The following ZC3H6 variants were observed in gnomAD, a reference collection of about 807,000 sequenced individuals.
The protein encoded by ZC3H6 is zinc finger CCCH-type containing 6, also known as zinc finger CCCH domain-containing protein 6.
In ZC3H6, 40 loss-of-function variants were observed where a neutral mutation model predicts 107.7. The observed-to-expected ratio is 0.37, with a 90% CI of 0.29 to 0.48. The LOEUF is 0.48. ZC3H6 is among the 20% of genes least tolerant of loss of function. ZC3H6 has a pLI of 0.98. For missense variants in ZC3H6, 1,267 were observed against 1,410.4 expected (o/e 0.90, Z 1.63); for synonymous variants, 493 against 487.9 (o/e 1.01, Z -0.14).
Position 112,303,291 on chromosome 2 carries a change from A to G in ZC3H6, c.276A>G (p.Thr92=), listed in dbSNP as rs1676419731. The G allele has an allele frequency of 6.2e-7, 1 of 1,613,452 alleles. No homozygotes were observed. The highest frequency in any genetic ancestry group is 8.5e-7 in the Non-Finnish European group (1 of 1,179,492). The stretch of plus-strand genomic sequence containing the variant: ...GCCTTGATTCAGATGTTGAACATAC[A>G]GAAAGTTCCCATAAAAAAAGAACTG... ...DYSLDSDVEH[T]ESSHKKRTGF... The change falls in exon 3 of 12, where the codon ACA becomes ACG. Residue 92 remains threonine, a synonymous_variant. Coordinates refer to ENST00000409871, the MANE Select transcript of ZC3H6 (RefSeq NM_198581.3).
At chr2:112,277,375 A>G (rs1686446005) in intron 1 of ZC3H6, among the ~76,000 whole-genome samples, 1 of 152,068 alleles carries the variant, frequency 6.6e-6, no homozygotes, top group South Asian at 2.1e-4. Flanking sequence ...GGGTTTTGCT[A>G]ATGGAGCCTA....
intron 1 of ZC3H6, among the ~76,000 whole-genome samples, chr2:112,289,442 A>G (rs1272553037): frequency 2.7e-5 from 4 of 148,974 alleles, no homozygotes; most frequent in Non-Finnish European, 5.9e-5. Context: ...CTCCTGCCTC[A>G]GCTTCCCAAG....
Position 112,337,584 on chromosome 2 carries a change from A to C in ZC3H6, c.*5096A>C, listed in dbSNP as rs943576583. On this transcript the variant is annotated 3_prime_UTR_variant, in exon 12 of 12. Coordinates refer to ENST00000409871, the MANE Select transcript of ZC3H6 (RefSeq NM_198581.3). The stretch of plus-strand genomic sequence containing the variant: ...TGATCCACCCGCCTCAACCTCCAAA[A>C]GTGTTGGGGTTACAGGCGTGAGCCA... The C allele has an allele frequency of 2.0e-5, 3 of 151,878 alleles. No homozygotes were observed. Among genetic ancestry groups the C allele is most frequent in the African/African-American group, 2.4e-5 (1 of 41,300 alleles). The allele number at this position is 151,878 out of a possible 1,614,324, so 9.4% of individuals were successfully genotyped here.
chr2:112,293,367 T>C (rs1257698403), intron 1 of ZC3H6, among the ~76,000 whole-genome samples: 1 of 152,170 alleles, frequency 6.6e-6, no homozygotes, highest in African/African-American at 2.4e-5. Context: ...GTAAGCTAAG[T>C]TTCTGCAAAC....
intron 2 of ZC3H6, among the ~76,000 whole-genome samples, chr2:112,302,671 C>T (rs1676402510): frequency 6.6e-6 from 1 of 152,076 alleles, no homozygotes; most frequent in Non-Finnish European, 1.5e-5. Context: ...CTCTTGATAT[C>T]AATTATCATT....
intron 4 of ZC3H6, among the ~76,000 whole-genome samples, chr2:112,310,901 G>A (rs937441380): frequency 3.3e-5 from 5 of 151,986 alleles, no homozygotes; most frequent in African/African-American, 4.8e-5. Flanking sequence ...ATTTTTTCTC[G>A]ATTTCCTAGC....
chr2:112,290,118 A>G (rs1676079087), intron 1 of ZC3H6, among the ~76,000 whole-genome samples: 1 of 152,212 alleles, frequency 6.6e-6, no homozygotes, highest in Admixed American at 6.6e-5. Flanking sequence ...ATTAAAAAAA[A>G]AACAAACCTA....
At chr2:112,298,160 A>T (rs934283567) in intron 1 of ZC3H6, among the ~76,000 whole-genome samples, 21 of 151,684 alleles carry the variant, frequency 1.4e-4, no homozygotes, top group African/African-American at 2.7e-4. Context: ...TTTTTAAAAA[A>T]TTTATTTTTT....
Position 112,310,064 on chromosome 2 carries a change from A to G in ZC3H6, c.516A>G (p.Lys172=). Residue 172 remains lysine, a synonymous_variant, in exon 4 of 12, where the codon AAA becomes AAG. Coordinates refer to ENST00000409871, the MANE Select transcript of ZC3H6 (RefSeq NM_198581.3). ...AGGAAGATTTTGCCAATCAGCTGAAACAATACAGGCAAGCTAAAGAAACCT... is the reference window on the plus strand; with the variant it reads ...AGGAAGATTTTGCCAATCAGCTGAAGCAATACAGGCAAGCTAAAGAAACCT... ...ETEEDFANQL[K]QYRQAKETSN... is the part of the protein sequence containing the mutation. 6.2e-7 allele frequency: 1 copy of G among 1,613,620 alleles called. No homozygotes were observed. The highest frequency in any genetic ancestry group is 8.5e-7 in the Non-Finnish European group (1 of 1,179,724).
intron 3 of ZC3H6, among the ~76,000 whole-genome samples, chr2:112,304,038 A>T (rs1013292669): frequency 2.0e-5 from 3 of 152,244 alleles, no homozygotes; most frequent in African/African-American, 7.2e-5. Flanking sequence ...TATTTACATT[A>T]CAATAATGTA....
At chr2:112,329,059 TG>T (rs1395065808) in intron 11 of ZC3H6, among the ~76,000 whole-genome samples, 1 of 152,162 alleles carries the variant, frequency 6.6e-6, no homozygotes, top group African/African-American at 2.4e-5. Flanking sequence ...TAATTGGTAG[TG>T]TTCTATGGGA....
intron 1 of ZC3H6, among the ~76,000 whole-genome samples, chr2:112,294,085 G>GT (rs1676172719): frequency 6.6e-6 from 1 of 152,208 alleles, no homozygotes; most frequent in South Asian, 2.1e-4. Flanking sequence ...AAATATGGAG[G>GT]TTGGTAAGAA....
chr2:112,293,957 T>G (rs1467563656), intron 1 of ZC3H6, among the ~76,000 whole-genome samples: 2 of 152,164 alleles, frequency 1.3e-5, no homozygotes, highest in Non-Finnish European at 2.9e-5. Context: ...TTCCATCCTG[T>G]AGCTAAGTAG....
At chr2:112,309,348 T>G (rs1676552945) in intron 3 of ZC3H6, among the ~76,000 whole-genome samples, 1 of 152,198 alleles carries the variant, frequency 6.6e-6, no homozygotes, top group African/African-American at 2.4e-5. Context: ...ATAAGCAACT[T>G]ATTCACTAGA....
intron 5 of ZC3H6, among the ~76,000 whole-genome samples, chr2:112,315,022 G>A (rs1182043269): frequency 2.0e-5 from 3 of 152,078 alleles, no homozygotes; most frequent in African/African-American, 4.8e-5. Flanking sequence ...TTGCTGTGAG[G>A]CAATCTCTTG....
In ZC3H6 at chr2:112,314,934, A is replaced by G. The variant is rs951228683; in HGVS notation, c.748-1536A>G. On this transcript the variant is annotated intron_variant, in intron 5 of 11. Transcript: ENST00000409871. ...CTTTGTATTCTTGTACCTTTTTTAG[A>G]ATTCTTACAGTAAAATGTGATTTGA... 2.6e-5 allele frequency among the ~76,000 whole-genome samples: 4 copies of G among 152,294 alleles called. No homozygotes were observed. In the East Asian group the frequency reaches 7.7e-4, roughly 29 times the overall value.
At chr2:112,302,440 C>T (rs561540114) in intron 2 of ZC3H6, among the ~76,000 whole-genome samples, 1 of 152,080 alleles carries the variant, frequency 6.6e-6, no homozygotes, top group Admixed American at 6.5e-5. Context: ...CTTGTAAAAG[C>T]ATCAGAGTTC....
Position 112,324,366 on chromosome 2 carries a change from C to G in ZC3H6, c.1555C>G (p.Pro519Ala). ...GLPVPQSPPLPPGPPEIVGPQ... is the reference protein window; with the variant it reads ...GLPVPQSPPLAPGPPEIVGPQ... ...ACCAGTGCCACAGAGCCCACCTTTA[C>G]CACCTGGTCCACCTGAAATTGTAGG... Residue 519 changes from proline (P) to alanine (A), a missense_variant, in exon 10 of 12, where the codon CCA becomes GCA. Pro to Ala is a conservative substitution (Grantham distance 27). Coordinates refer to ENST00000409871, the MANE Select transcript of ZC3H6 (RefSeq NM_198581.3). 1 of 1,614,010 alleles carries G rather than the reference C, an allele frequency of 6.2e-7. No homozygotes were observed. The highest frequency in any genetic ancestry group is 8.5e-7 in the Non-Finnish European group (1 of 1,179,868).
chr2:112,301,025 G>A (rs151195183), intron 2 of ZC3H6, among the ~76,000 whole-genome samples: 2 of 152,304 alleles, frequency 1.3e-5, no homozygotes, highest in South Asian at 4.1e-4. Context: ...GGAGCCAAAC[G>A]ATAGACAGCA....
Sources: allele counts gnomAD v4.1 joint callset (sites outside exome capture counted in the v4.1 genomes callset), GRCh38; gene constraint gnomAD v4.1.1; transcripts MANE v1.5; gene names NCBI Gene and HGNC (gene_info 2026-07-23, HGNC 2026-07-21).